Variants in NOVA1 observed in about 807,000 individuals in gnomAD.
NOVA1 encodes NOVA alternative splicing regulator 1.
Under a neutral mutation model 38.0 loss-of-function variants are expected in NOVA1, and 7 were observed. That is an observed-to-expected ratio of 0.18 (90% CI 0.10 to 0.35). The LOEUF is 0.35. Among genes scored for constraint, NOVA1 ranks in the 10% least tolerant of loss-of-function variants. The pLI, the probability that NOVA1 is intolerant of heterozygous loss-of-function variation, is 1.00. For synonymous variants in NOVA1, 270 were observed against 232.5 expected (o/e 1.16, Z -1.47); for missense variants, 460 against 616.0 (o/e 0.75, Z 2.68).
chr14:26,484,958 C>T (rs553505880), intron 2 of NOVA1, among the ~76,000 whole-genome samples: 2 of 150,184 alleles, frequency 1.3e-5, no homozygotes, highest in East Asian at 3.9e-4. Context: ...AAAAAAAAAA[C>T]GAACAAACCC....
intron 4 of NOVA1, among the ~76,000 whole-genome samples, chr14:26,456,025 T>A (rs1473692064): frequency 2.6e-5 from 4 of 151,994 alleles, no homozygotes; most frequent in Non-Finnish European, 2.9e-5. Context: ...CTCTTTGAAA[T>A]CATTATTATT....
intron 2 of NOVA1, among the ~76,000 whole-genome samples, chr14:26,554,211 G>C (rs1891342796): frequency 6.6e-6 from 1 of 150,626 alleles, no homozygotes; most frequent in African/African-American, 2.4e-5. Flanking sequence ...GAGGGAGGGA[G>C]GGAGGACTAG....
At chr14:26,575,276 A>C (rs559350906) in intron 2 of NOVA1, among the ~76,000 whole-genome samples, 8 of 152,296 alleles carry the variant, frequency 5.3e-5, no homozygotes, top group African/African-American at 1.4e-4. Context: ...TTCATAATAC[A>C]ATGTGGTGAA....
chr14:26,552,298 G>A (rs1207204664), intron 2 of NOVA1, among the ~76,000 whole-genome samples: 1 of 151,984 alleles, frequency 6.6e-6, no homozygotes, highest in Non-Finnish European at 1.5e-5. Flanking sequence ...AATAGGCACA[G>A]GACCAATTAT....
intron 2 of NOVA1, among the ~76,000 whole-genome samples, chr14:26,554,304 C>T (rs902770178): frequency 1.3e-5 from 2 of 151,840 alleles, no homozygotes; most frequent in Non-Finnish European, 2.9e-5. Flanking sequence ...CCCTTTCCAC[C>T]TTTCCCCTTA....
chr14:26,555,939 A>T (rs1466221571), intron 2 of NOVA1, among the ~76,000 whole-genome samples: 21 of 152,308 alleles, frequency 1.4e-4, no homozygotes, highest in Admixed American at 1.0e-3. Flanking sequence ...AGTTCAATAT[A>T]AAACTAACAA....
In NOVA1 at chr14:26,523,425, ATTCTC is replaced by A. The variant is rs1347352957; in HGVS notation, c.281-43287_281-43283del. Among the ~76,000 whole-genome samples the A allele has an allele frequency of 5.9e-5, 9 of 152,328 alleles. No homozygotes were observed. In the East Asian group the frequency reaches 1.5e-3, roughly 26 times the overall value. ...TAAAACCATAACATTAGAAGCTCAC[ATTCTC>A]TTCTCTTCTTGTTTTGACATGATGA... On this transcript the variant is annotated intron_variant, in intron 2 of 4. Coordinates refer to ENST00000539517, the MANE Select transcript of NOVA1 (RefSeq NM_002515.3).
At chr14:26,581,423 A>T (rs570950382) in intron 2 of NOVA1, among the ~76,000 whole-genome samples, 75 of 152,164 alleles carry the variant, frequency 4.9e-4, no homozygotes, top group African/African-American at 1.7e-3. Flanking sequence ...ACAAAATCTT[A>T]CAGGGCCAAA....
chr14:26,516,701 A>C (rs1888491372), intron 2 of NOVA1, among the ~76,000 whole-genome samples: 1 of 152,202 alleles, frequency 6.6e-6, no homozygotes, highest in South Asian at 2.1e-4. Flanking sequence ...TCTATTGAAC[A>C]GTGTTTTTTC....
At chr14:26,513,923 T>C (rs1181975391) in intron 2 of NOVA1, among the ~76,000 whole-genome samples, 1 of 151,642 alleles carries the variant, frequency 6.6e-6, no homozygotes, top group Admixed American at 6.6e-5. Context: ...TCTTTTCGAA[T>C]AGCTAACATT....
At chr14:26,510,955 C>T (rs918020521) in intron 2 of NOVA1, among the ~76,000 whole-genome samples, 1 of 152,008 alleles carries the variant, frequency 6.6e-6, no homozygotes, top group South Asian at 2.1e-4. Context: ...GTTGGTTTAA[C>T]AATTCAATAA....
rs1467648457 is a variant in NOVA1, at chr14:26,517,463, T to C, written c.281-37320A>G. Among the ~76,000 whole-genome samples the C allele has an allele frequency of 4.6e-5, 7 of 152,306 alleles. No homozygotes were observed. In the South Asian group the frequency reaches 1.2e-3, roughly 27 times the overall value. On this transcript the variant is annotated intron_variant, in intron 2 of 4. Transcript: ENST00000539517. ...AATGTAAACTGATAGAGGCAGGAAC[T>C]TTCACAGATTCTGTTTTACTGTTTT...
At chr14:26,565,002 G>A (rs925054786) in intron 2 of NOVA1, among the ~76,000 whole-genome samples, 5 of 152,142 alleles carry the variant, frequency 3.3e-5, no homozygotes, top group Admixed American at 2.0e-4. Context: ...TCACCATGAT[G>A]AGCAGTAATG....
chr14:26,479,486 G>T (rs1885255730), intron 3 of NOVA1: 1 of 152,934 alleles, frequency 6.5e-6, no homozygotes, highest in Non-Finnish European at 1.5e-5. Flanking sequence ...AGGACTGTAT[G>T]GTAGGTACAT....
At chr14:26,480,494 T>A (rs1207763502) in intron 2 of NOVA1, among the ~76,000 whole-genome samples, 1 of 152,048 alleles carries the variant, frequency 6.6e-6, no homozygotes, top group East Asian at 1.9e-4. Context: ...ATAAACCCAG[T>A]TTTCAAAGAG....
chr14:26,488,408 C>T (rs61986462), intron 2 of NOVA1, among the ~76,000 whole-genome samples: 34,664 of 152,076 alleles, frequency 0.23, 4,421 homozygotes, highest in East Asian at 0.33. Flanking sequence ...AAATGGAATA[C>T]TAATTTACTT....
chr14:26,503,158 T>C (rs1272203024), intron 2 of NOVA1, among the ~76,000 whole-genome samples: 2 of 152,174 alleles, frequency 1.3e-5, no homozygotes, highest in South Asian at 2.1e-4. Flanking sequence ...TTGCAACATA[T>C]GTAATAAATG....
chr14:26,512,963 T>C (rs141387077), intron 2 of NOVA1, among the ~76,000 whole-genome samples: 181 of 152,122 alleles, frequency 1.2e-3, no homozygotes, highest in Non-Finnish European at 2.0e-3. Context: ...GTATAAAAAA[T>C]ACTTTTTAAA....
Position 26,448,949 on chromosome 14 carries a change from A to G in NOVA1, c.534T>C (p.Val178=), listed in dbSNP as rs752678020. 13 of 1,609,524 alleles carry G rather than the reference A, an allele frequency of 8.1e-6. No homozygotes were observed. The highest frequency in any genetic ancestry group is 1.1e-5 in the South Asian group (1 of 90,880). The change falls in exon 5 of 5, where the codon GTT becomes GTC. Residue 178 remains valine, a synonymous_variant. Transcript: ENST00000539517. The surrounding 1 kb of genome is among the most constrained non-coding windows in gnomAD (Gnocchi z 5.3). ...TSRANQVKII[V]PNSTAGLIIG... is the part of the protein sequence containing the mutation. ...TTATCAGACCTGCTGTGCTGTTGGG[A>G]ACTATAATCTTTACCTGTAATTAAA...
Sources: gnomAD v4.1 joint callset for allele counts (sites outside exome capture counted in the v4.1 genomes callset) on GRCh38, gnomAD v4.1.1 for gene constraint, Gnocchi (gnomAD v3.1) non-coding constraint, MANE v1.5 for transcripts, NCBI Gene and HGNC (gene_info 2026-07-23, HGNC 2026-07-21) for gene names.